Variants in PDE4D observed in about 807,000 individuals in gnomAD.
The protein encoded by PDE4D is phosphodiesterase 4D.
A neutral mutation model predicts 87.4 loss-of-function variants in PDE4D; 24 were observed. The ratio of observed to expected loss-of-function variants is 0.27; its 90% CI spans 0.20 to 0.39. The LOEUF is 0.39. Ranked by LOEUF, PDE4D falls within the 10% of genes least tolerant of loss-of-function variation. The pLI is 1.00. For missense variants in PDE4D, 714 were observed against 1,041.0 expected (o/e 0.69, Z 4.32); for synonymous variants, 384 against 383.2 (o/e 1.00, Z -0.02).
At chr5:60,489,740 A>C (rs1749423123), upstream of PDE4D, 1 of 152,228 alleles carries the variant, frequency 6.6e-6, no homozygotes, top group Admixed American at 6.5e-5. Flanking sequence ...CCCTTTACTC[A>C]GAGATAACAT....
intron 3 of PDE4D, among the ~76,000 whole-genome samples, chr5:59,911,517 T>C (rs1017206381): frequency 7.9e-5 from 12 of 152,164 alleles, no homozygotes; most frequent in Admixed American, 7.2e-4. Context: ...GAGAGACTGA[T>C]TTGAGTAATA....
chr5:59,793,332 G>A (rs1407967180), intron 1 of PDE4D, among the ~76,000 whole-genome samples: 1 of 152,232 alleles, frequency 6.6e-6, no homozygotes, highest in Non-Finnish European at 1.5e-5. Context: ...AGCACCTAGA[G>A]AGAGAACTAG....
At chr5:59,137,525 C>CTTTTTTTTTT (rs61134818) in intron 5 of PDE4D, among the ~76,000 whole-genome samples, 1 of 139,600 alleles carries the variant, frequency 7.2e-6, no homozygotes. Flanking sequence ...GGGAAAGTTT[C>CTTTTTTTTTT]TTTTTTTTTT....
At chr5:59,114,899 G>T (rs79478906) in intron 5 of PDE4D, among the ~76,000 whole-genome samples, 1 of 146,270 alleles carries the variant, frequency 6.8e-6, no homozygotes, top group African/African-American at 2.8e-5. Flanking sequence ...AAAAGAAAAA[G>T]AAAATGATAA....
Position 59,107,703 on chromosome 5 carries a change from G to C in PDE4D, c.809-68732C>G, listed in dbSNP as rs576281594. Among the ~76,000 whole-genome samples, 4 of 152,308 alleles carry C rather than the reference G, an allele frequency of 2.6e-5. No individual in the cohort carries two copies. The South Asian group carries it at 8.3e-4, about 32-fold the overall frequency. ...GGGAGGAATATGCTGTTTGGTCTAAGAAGAGAATGATATTTCATCATACTT... is the reference window on the plus strand; with the variant it reads ...GGGAGGAATATGCTGTTTGGTCTAACAAGAGAATGATATTTCATCATACTT... On this transcript the variant is annotated intron_variant, in intron 5 of 14. Transcript: ENST00000340635.
intron 1 of PDE4D, among the ~76,000 whole-genome samples, chr5:60,279,299 C>T (rs1290897877): frequency 6.6e-6 from 1 of 152,104 alleles, no homozygotes; most frequent in East Asian, 1.9e-4. Context: ...AGAAAGAGCA[C>T]CCTATTACTT....
chr5:60,250,886 T>C (rs1748356870), intron 1 of PDE4D, among the ~76,000 whole-genome samples: 1 of 151,976 alleles, frequency 6.6e-6, no homozygotes. Flanking sequence ...CGATGGCAGC[T>C]CCTTGCATGT....
At chr5:59,102,454 ATAAAG>A (rs1300314009) in intron 5 of PDE4D, among the ~76,000 whole-genome samples, 1 of 152,200 alleles carries the variant, frequency 6.6e-6, no homozygotes, top group Non-Finnish European at 1.5e-5. Context: ...ACTTGATGAA[ATAAAG>A]TAATCAAATA....
intron 5 of PDE4D, among the ~76,000 whole-genome samples, chr5:59,164,289 A>T (rs1365880935): frequency 6.6e-6 from 1 of 152,202 alleles, no homozygotes; most frequent in Non-Finnish European, 1.5e-5. Flanking sequence ...TCTTTACTTC[A>T]TTGTTGCTTA....
intron 1 of PDE4D, among the ~76,000 whole-genome samples, chr5:59,518,904 C>T (rs569199970): frequency 2.6e-5 from 4 of 152,308 alleles, no homozygotes; most frequent in African/African-American, 7.2e-5. Flanking sequence ...GCAGCATAAA[C>T]AGAACAACCT....
chr5:59,237,973 C>T (rs1295145055), intron 1 of PDE4D, among the ~76,000 whole-genome samples: 1 of 152,100 alleles, frequency 6.6e-6, no homozygotes, highest in Non-Finnish European at 1.5e-5. Flanking sequence ...GTGGAGGTTA[C>T]ATTTATTCCT....
At chr5:59,220,723 T>C (rs1374935166) in intron 1 of PDE4D, among the ~76,000 whole-genome samples, 1 of 152,002 alleles carries the variant, frequency 6.6e-6, no homozygotes, top group Non-Finnish European at 1.5e-5. Flanking sequence ...CGTGGTGTTA[T>C]GAATAAAACA....
chr5:59,348,497 T>C (rs907448937), intron 1 of PDE4D, among the ~76,000 whole-genome samples: 2 of 152,188 alleles, frequency 1.3e-5, no homozygotes, highest in Non-Finnish European at 2.9e-5. Context: ...AATAATCTTT[T>C]ACATTCTGTT....
chr5:60,168,354 T>A (rs1644487354), intron 2 of PDE4D, among the ~76,000 whole-genome samples: 2 of 152,220 alleles, frequency 1.3e-5, no homozygotes, highest in African/African-American at 4.8e-5. Context: ...GCCTCAGTTT[T>A]TCCAATTCCA....
intron 1 of PDE4D, among the ~76,000 whole-genome samples, chr5:59,775,309 A>C (rs999452270): frequency 1.1e-4 from 17 of 152,182 alleles, no homozygotes; most frequent in African/African-American, 4.1e-4. Flanking sequence ...ACAACAACAA[A>C]AATCCCATAT....
At chr5:59,807,742 A>C (rs1028056013) in intron 1 of PDE4D, among the ~76,000 whole-genome samples, 1 of 152,218 alleles carries the variant, frequency 6.6e-6, no homozygotes, top group African/African-American at 2.4e-5. Flanking sequence ...AGGTCTCTGT[A>C]TAGGCTTAAG....
intron 1 of PDE4D, among the ~76,000 whole-genome samples, chr5:59,285,833 A>C (rs542816292): frequency 2.3e-4 from 35 of 152,238 alleles, no homozygotes; most frequent in African/African-American, 8.2e-4. Context: ...AAAATCTGCC[A>C]ATCAGTCACC....
chr5:59,919,611 A>G (rs1312128652), intron 3 of PDE4D, among the ~76,000 whole-genome samples: 2 of 152,232 alleles, frequency 1.3e-5, no homozygotes, highest in African/African-American at 2.4e-5. Context: ...GACACTTTTT[A>G]TCAGTGCTTG....
intron 1 of PDE4D, among the ~76,000 whole-genome samples, chr5:59,574,141 T>TAA (rs1561242315): frequency 9.8e-4 from 5 of 5,106 alleles, no homozygotes; most frequent in African/African-American, 1.8e-3. Flanking sequence ...TATATATATA[T>TAA]ATAAATATAT....
Sources: allele counts gnomAD v4.1 joint callset (sites outside exome capture counted in the v4.1 genomes callset), GRCh38; gene constraint gnomAD v4.1.1; transcripts MANE v1.5; gene names NCBI Gene and HGNC (gene_info 2026-07-23, HGNC 2026-07-21).